Variants in TP53BP1 observed in about 807,000 individuals in gnomAD.
TP53BP1 encodes tumor protein p53 binding protein 1, also known as TP53-binding protein 1.
In TP53BP1, 61 loss-of-function variants were observed where a neutral mutation model predicts 200.8. That is an observed-to-expected ratio of 0.30 (90% CI 0.25 to 0.38). The LOEUF (loss-of-function observed/expected upper bound fraction) is 0.38. TP53BP1 is among the 10% of genes least tolerant of loss of function. TP53BP1 has a pLI of 1.00. For missense variants in TP53BP1, 2,144 were observed against 2,371.9 expected (o/e 0.90, Z 2.00); for synonymous variants, 822 against 844.3 (o/e 0.97, Z 0.46).
At chr15:43,478,886 G>A (rs1162086993) in intron 7 of TP53BP1, among the ~76,000 whole-genome samples, 3 of 152,150 alleles carry the variant, frequency 2.0e-5, no homozygotes, top group African/African-American at 4.8e-5. Flanking sequence ...CAAAGATTAC[G>A]GAGTCATGCT....
intron 11 of TP53BP1, among the ~76,000 whole-genome samples, chr15:43,458,160 G>A (rs547083930): frequency 1.3e-5 from 2 of 152,020 alleles, no homozygotes; most frequent in African/African-American, 2.4e-5. Context: ...GGCCAGGCAC[G>A]GTGGCTCACA....
At chr15:43,493,614 T>A (rs1468240285), upstream of TP53BP1, among the ~76,000 whole-genome samples, 3 of 152,154 alleles carry the variant, frequency 2.0e-5, no homozygotes, top group Non-Finnish European at 4.4e-5. Context: ...CTTTCTTCTT[T>A]GACACAGGGT....
Position 43,479,889 on chromosome 15 carries a change from T to C in TP53BP1, c.628A>G (p.Thr210Ala), listed in dbSNP as rs753583784. The change falls in exon 6 of 28, where the codon ACC becomes GCC. Residue 210 changes from threonine (T) to alanine (A), a missense_variant. Coordinates refer to ENST00000382044, the MANE Select transcript of TP53BP1 (RefSeq NM_001141980.3). ...TTAGCATCCACATCAGACAGCCTGG[T>C]ATAACCAGAGTTGGTGGTTACTGAT... is the stretch of plus-strand genomic sequence containing the variant. ...LQSVTTNSGYTRLSDVDANTA... is the reference protein window; with the variant it reads ...LQSVTTNSGYARLSDVDANTA... The C allele has an allele frequency of 4.3e-6, 7 of 1,614,106 alleles. No individual in the cohort carries two copies. The highest frequency in any genetic ancestry group is 5.9e-6 in the Non-Finnish European group (7 of 1,180,048).
chr15:43,485,615 G>A (rs916024551), intron 4 of TP53BP1, among the ~76,000 whole-genome samples: 1 of 137,020 alleles, frequency 7.3e-6, no homozygotes, highest in Non-Finnish European at 1.6e-5. Flanking sequence ...GGCCGAGATG[G>A]GCAGATCACT....
At chr15:43,418,046 G>A (rs928182376) in intron 21 of TP53BP1, among the ~76,000 whole-genome samples, 9 of 152,008 alleles carry the variant, frequency 5.9e-5, no homozygotes, top group African/African-American at 2.2e-4. Context: ...CAGGTGTTGT[G>A]GCATGCACCT....
In TP53BP1 at chr15:43,415,887, T is replaced by C. The variant is rs966840263; in HGVS notation, c.4874-78A>G. 3.4e-6 allele frequency: 4 copies of C among 1,183,656 alleles called. No individual in the cohort carries two copies. In the Admixed American group the frequency reaches 7.9e-5, roughly 23 times the overall value. The allele number at this position is 1,183,656 out of a possible 1,614,324, so 73.3% of individuals were successfully genotyped here. A position where few individuals can be genotyped will look rare whatever the true frequency, so the allele number is the denominator to read the frequency against. On this transcript the variant is annotated intron_variant, in intron 22 of 27. Transcript: ENST00000382044. ...GAACTCCAAGAAACTGGGCAGACCC[T>C]GATTCAGACACCACAGTGTTCCTTC...
Position 43,407,136 on chromosome 15 carries a change from T to TGAAA in TP53BP1, c.*243_*246dup, listed in dbSNP as rs1470262525. 2.3e-6 allele frequency: 1 copy of TGAAA among 439,274 alleles called. No individual in the cohort carries two copies. The highest frequency in any genetic ancestry group is 4.1e-6 in the Non-Finnish European group (1 of 242,490). 27.2% of individuals were successfully genotyped at this position (439,274 alleles called of 1,614,324 possible). On this transcript the variant is annotated 3_prime_UTR_variant, in exon 28 of 28. Coordinates refer to ENST00000382044, the MANE Select transcript of TP53BP1 (RefSeq NM_001141980.3). Reference sequence around the variant, plus strand: ...GTCCTCCGTAAGTGAATAAGCCTGTTGAAAGACTCAGAGAAAGTACTATGT... The same window carrying TGAAA: ...GTCCTCCGTAAGTGAATAAGCCTGTTGAAAGAAAGACTCAGAGAAAGTACTATGT...
chr15:43,409,305 T>A, intron 25 of TP53BP1: 1 of 600,348 alleles, frequency 1.7e-6, no homozygotes, highest in South Asian at 2.1e-5. Flanking sequence ...TGCAGCATAC[T>A]GAGGACCTAA....
intron 17 of TP53BP1, 54 bp from the exon 18 acceptor site, chr15:43,428,222 T>C (rs978999323): frequency 4.0e-6 from 6 of 1,495,218 alleles, no homozygotes; most frequent in Non-Finnish European, 5.5e-6. Context: ...GCTGTCAAAA[T>C]CACAAATCTT....
In TP53BP1 at chr15:43,447,490, A is replaced by G. The variant is rs1442231250; in HGVS notation, c.2717-5T>C. 9 of 1,098,674 alleles carry G rather than the reference A, an allele frequency of 8.2e-6. No individual in the cohort carries two copies. The highest frequency in any genetic ancestry group is 3.6e-5 in the African/African-American group (2 of 55,918). 68.1% of individuals were successfully genotyped at this position (1,098,674 alleles called of 1,614,324 possible). On this transcript the variant is annotated splice_polypyrimidine_tract_variant and splice_region_variant and intron_variant, in intron 12 of 27. Coordinates refer to ENST00000382044, the MANE Select transcript of TP53BP1 (RefSeq NM_001141980.3). Reference sequence around the variant, plus strand: ...AAGTGAAATGAAATGGGGTTTCTGAAAAAAAAAAAAAAAAGAAAAAAGAAA... The same window carrying G: ...AAGTGAAATGAAATGGGGTTTCTGAGAAAAAAAAAAAAAAGAAAAAAGAAA...
At chr15:43,443,826 C>T (rs2045983929) in intron 14 of TP53BP1, among the ~76,000 whole-genome samples, 2 of 152,196 alleles carry the variant, frequency 1.3e-5, no homozygotes, top group African/African-American at 2.4e-5. Flanking sequence ...AAAATTTGTT[C>T]ATTTACAATT....
chr15:43,466,790 G>A (rs968734557), intron 11 of TP53BP1, among the ~76,000 whole-genome samples: 4 of 152,120 alleles, frequency 2.6e-5, no homozygotes, highest in Non-Finnish European at 4.4e-5. Flanking sequence ...ACAGAAGTTC[G>A]AGGTTACAGT....
chr15:43,426,811 C>T (rs908094808), intron 18 of TP53BP1, among the ~76,000 whole-genome samples: 1 of 150,278 alleles, frequency 6.7e-6, no homozygotes, highest in Admixed American at 6.6e-5. Context: ...AGTTCAAGAC[C>T]AGCCTGGCCA....
chr15:43,500,769 C>T (rs565827997), intron 1 of TP53BP1, among the ~76,000 whole-genome samples: 2 of 152,040 alleles, frequency 1.3e-5, no homozygotes, highest in Admixed American at 6.5e-5. Flanking sequence ...TGCACTGAGC[C>T]GAAATCACGC....
In TP53BP1 at chr15:43,433,761, A is replaced by G. The variant is rs117486181; in HGVS notation, c.3192-1084T>C. Among the ~76,000 whole-genome samples the G allele has an allele frequency of 2.6e-4, 39 of 152,348 alleles. No homozygotes were observed. In the East Asian group the frequency reaches 7.3e-3, roughly 29 times the overall value. On this transcript the variant is annotated intron_variant, in intron 16 of 27. Transcript: ENST00000382044. ...CTCGGCATGACAGTTTACAAGGCAT[A>G]AACTGTAGATAAACTCAGAAGGTAA...
At chr15:43,458,309 G>A (rs1252074267) in intron 11 of TP53BP1, among the ~76,000 whole-genome samples, 1 of 151,850 alleles carries the variant, frequency 6.6e-6, no homozygotes, top group Non-Finnish European at 1.5e-5. Flanking sequence ...GCGTGCACCT[G>A]TAGTCCCAGC....
chr15:43,458,763 G>A (rs1231512620), intron 11 of TP53BP1, among the ~76,000 whole-genome samples: 1 of 150,158 alleles, frequency 6.7e-6, no homozygotes, highest in Non-Finnish European at 1.5e-5. Context: ...TAGCCTGGGT[G>A]ACAGAGAAAG....
rs141319225 is a variant in TP53BP1, at chr15:43,480,938, T to C, written c.456A>G (p.Glu152=). Residue 152 remains glutamate, a synonymous_variant, in exon 5 of 28, where the codon GAA becomes GAG. Coordinates refer to ENST00000382044, the MANE Select transcript of TP53BP1 (RefSeq NM_001141980.3). ...GTGTAGTATTGCCTGAAGTATCTTC[T>C]TCCTTCTCTTTCTCCTTCTGTTCCA... ...EELEQKEKEK[E]EDTSGNTTHS... 1.9e-6 allele frequency: 3 copies of C among 1,614,036 alleles called. No individual in the cohort carries two copies. The highest frequency in any genetic ancestry group is 2.5e-6 in the Non-Finnish European group (3 of 1,180,026).
At chr15:43,493,587 A>T (rs2079159353), upstream of TP53BP1, among the ~76,000 whole-genome samples, 1 of 151,998 alleles carries the variant, frequency 6.6e-6, no homozygotes, top group African/African-American at 2.4e-5. Flanking sequence ...GAGCTGGTGA[A>T]CCCAACAGAA....
Sources: gnomAD v4.1 joint callset for allele counts (sites outside exome capture counted in the v4.1 genomes callset) on GRCh38, gnomAD v4.1.1 for gene constraint, MANE v1.5 for transcripts, NCBI Gene and HGNC (gene_info 2026-07-23, HGNC 2026-07-21) for gene names.